PCCB: variants seen among roughly 807,000 people sequenced by gnomAD.
PCCB encodes the protein propionyl-CoA carboxylase beta chain, mitochondrial.
PCCB carries 43 observed loss-of-function variants against 60.7 expected under a neutral mutation model. The observed-to-expected ratio is 0.71, with a 90% confidence interval of 0.55 to 0.91. The LOEUF (loss-of-function observed/expected upper bound fraction) is 0.91. Among genes scored for constraint, PCCB ranks in the 40% least tolerant of loss-of-function variants. The pLI is 0.00. For missense variants in PCCB, 766 were observed against 702.8 expected, an observed-to-expected ratio of 1.09 and a Z score of -1.02; for synonymous variants, 276 against 255.9, an observed-to-expected ratio of 1.08 and a Z score of -0.75.
intron 5 of PCCB, among the ~76,000 whole-genome samples, chr3:136,268,121 T>TAC (rs60030073): frequency 3.1e-5 from 4 of 130,728 alleles, no homozygotes; most frequent in East Asian, 4.2e-4. Flanking sequence ...TATATATATA[T>TAC]GTATATATAT....
intron 5 of PCCB, among the ~76,000 whole-genome samples, chr3:136,279,412 T>G (rs1183496500): frequency 6.6e-6 from 1 of 152,206 alleles, no homozygotes; most frequent in East Asian, 1.9e-4. Flanking sequence ...GTTGTTTGCC[T>G]TTTTGATTCA....
intron 8 of PCCB, among the ~76,000 whole-genome samples, chr3:136,299,507 TAG>T: frequency 6.7e-6 from 1 of 148,648 alleles, no homozygotes. Context: ...TGTGTATGTA[TAG>T]GTATGCATGT....
Position 136,327,781 on chromosome 3 carries a change from C to T in PCCB, c.1398+49C>T, listed in dbSNP as rs555872906. ...TTCTGGGTCCAAGGACTCGACTCTA[C>T]CAGCGAGAGCTCAAGGCATAGCTGG... On this transcript the variant is annotated intron_variant, in intron 13 of 14. Transcript: ENST00000251654. 12 of 1,395,220 alleles carry T rather than the reference C, an allele frequency of 8.6e-6. No individual in the cohort carries two copies. The South Asian group carries it at 9.3e-5, about 11-fold the overall frequency. The allele number at this position is 1,395,220 out of a possible 1,614,324, so 86.4% of individuals were successfully genotyped here.
intron 6 of PCCB, among the ~76,000 whole-genome samples, chr3:136,292,598 C>T (rs1264918879): frequency 6.6e-6 from 1 of 152,174 alleles, no homozygotes; most frequent in East Asian, 1.9e-4. Flanking sequence ...ATAGAATGAT[C>T]TTCAAGCTAG....
intron 6 of PCCB, among the ~76,000 whole-genome samples, chr3:136,292,423 G>A (rs1401992135): frequency 6.6e-6 from 1 of 152,126 alleles, no homozygotes; most frequent in Non-Finnish European, 1.5e-5. Context: ...ACATAAAAAA[G>A]CCAATGATGT....
chr3:136,260,450 T>C lies in PCCB; in HGVS notation c.373-29T>C, dbSNP rs1941790376. The C allele has an allele frequency of 3.1e-6, 5 of 1,590,926 alleles. No homozygotes were observed. In the South Asian group the frequency reaches 5.6e-5, roughly 18 times the overall value. ...TTCATCTCTAGCCAGTCACTATATT[T>C]GACTTGCTGATTTGTATTTTCTTTT... On this transcript the variant is annotated intron_variant, in intron 3 of 14. Transcript: ENST00000251654.
At chr3:136,268,136 A>ATATATATATATGTATATATATATATC (rs1553775786) in intron 5 of PCCB, among the ~76,000 whole-genome samples, 1 of 128,588 alleles carries the variant, frequency 7.8e-6, no homozygotes, top group Non-Finnish European at 1.6e-5. Flanking sequence ...ATATATATAT[A>ATATATATATATGTATATATATATATC]TATATCTACA....
At chr3:136,312,055 A>G (rs1025680660) in intron 9 of PCCB, among the ~76,000 whole-genome samples, 2 of 152,262 alleles carry the variant, frequency 1.3e-5, no homozygotes, top group East Asian at 1.9e-4. Flanking sequence ...ACAGCATCCT[A>G]TAGTTAAAAC....
At chr3:136,253,709 C>T (rs920486690) in intron 1 of PCCB, among the ~76,000 whole-genome samples, 1 of 143,292 alleles carries the variant, frequency 7.0e-6, no homozygotes, top group African/African-American at 2.6e-5. Flanking sequence ...CTTACTCTGT[C>T]ACCCAGGCTG....
intron 6 of PCCB, among the ~76,000 whole-genome samples, chr3:136,290,191 A>C (rs1020632948): frequency 6.6e-6 from 1 of 151,976 alleles, no homozygotes; most frequent in African/African-American, 2.4e-5. Context: ...TTTGCTTAAC[A>C]TTTTTTGCAA....
At chr3:136,277,432 A>G (rs1448100308) in intron 5 of PCCB, among the ~76,000 whole-genome samples, 1 of 152,122 alleles carries the variant, frequency 6.6e-6, no homozygotes, top group African/African-American at 2.4e-5. Context: ...TGTGTTGCCC[A>G]GGAGGTATTC....
chr3:136,313,773 A>C (rs1467598127), intron 9 of PCCB, among the ~76,000 whole-genome samples: 1 of 152,230 alleles, frequency 6.6e-6, no homozygotes, highest in Non-Finnish European at 1.5e-5. Context: ...TAGCTGTAAA[A>C]AAATTCTAGC....
At chr3:136,272,739 T>C (rs1488638990) in intron 5 of PCCB, among the ~76,000 whole-genome samples, 2 of 152,144 alleles carry the variant, frequency 1.3e-5, no homozygotes, top group South Asian at 2.1e-4. Flanking sequence ...TCTATTCTCT[T>C]CTTGGTTAGT....
chr3:136,301,606 A>G (rs577407393), intron 9 of PCCB, among the ~76,000 whole-genome samples: 1 of 152,042 alleles, frequency 6.6e-6, no homozygotes, highest in Admixed American at 6.5e-5. Flanking sequence ...CATTAAGTAA[A>G]GGGGACAGTG....
chr3:136,293,468 G>A lies in PCCB; in HGVS notation c.655-288G>A, dbSNP rs1933792000. 2.0e-5 allele frequency among the ~76,000 whole-genome samples: 3 copies of A among 152,232 alleles called. No individual in the cohort carries two copies. The South Asian group carries it at 6.2e-4, about 31-fold the overall frequency. On this transcript the variant is annotated intron_variant, in intron 6 of 14. Transcript: ENST00000251654. ...CTTCTTGGTGCACAGCAAGCTCTGA[G>A]TAAGAGCCACCTGTTACTGTGTTCT...
At chr3:136,251,869 T>G (rs955504224) in intron 1 of PCCB, among the ~76,000 whole-genome samples, 4 of 152,192 alleles carry the variant, frequency 2.6e-5, no homozygotes, top group Admixed American at 6.5e-5. Context: ...AACCCCCTCC[T>G]GCACCCCTTT....
At chr3:136,311,270 A>G (rs1238430466) in intron 9 of PCCB, among the ~76,000 whole-genome samples, 1 of 152,214 alleles carries the variant, frequency 6.6e-6, no homozygotes, top group Non-Finnish European at 1.5e-5. Context: ...CAATTATGGT[A>G]GAGTAAAAGC....
chr3:136,268,090 A>ATAGATATATATATATACG (rs1942068637), intron 5 of PCCB, among the ~76,000 whole-genome samples: 1 of 59,938 alleles, frequency 1.7e-5, no homozygotes, highest in Non-Finnish European at 2.9e-5. Context: ...GTGTGTAGAT[A>ATAGATATATATATATACG]TATATATATA....
intron 6 of PCCB, 92 bp from the exon 7 acceptor site, chr3:136,293,664 C>T (rs1933802361): frequency 1.2e-6 from 1 of 834,800 alleles, no homozygotes; most frequent in African/African-American, 1.7e-5. Context: ...TCACTATCTT[C>T]TCTGCATTTG....
Sources: allele counts gnomAD v4.1 joint callset (sites outside exome capture counted in the v4.1 genomes callset), GRCh38; gene constraint gnomAD v4.1.1; transcripts MANE v1.5; gene names NCBI Gene and HGNC (gene_info 2026-07-23, HGNC 2026-07-21).